Variants in AUNIP observed in about 807,000 individuals in gnomAD.
The protein encoded by AUNIP is aurora kinase A- and ninein-interacting protein.
Under a neutral mutation model 12.2 loss-of-function variants are expected in AUNIP, and 16 were observed. That is an observed-to-expected ratio of 1.31 (90% CI 0.88 to 1.99). The LOEUF (loss-of-function observed/expected upper bound fraction) is 1.99, where lower values mean the gene tolerates loss of function less well. AUNIP is among the 30% of genes most tolerant of loss of function. AUNIP has a pLI of 0.00. For synonymous variants in AUNIP, 142 were observed against 154.8 expected, an observed-to-expected ratio of 0.92 and a Z score of 0.61; for missense variants, 411 against 419.1, an observed-to-expected ratio of 0.98 and a Z score of 0.17.
chr1:25,851,598 A>C (rs2048424447), intron 1 of AUNIP, among the ~76,000 whole-genome samples: 1 of 152,242 alleles, frequency 6.6e-6, no homozygotes, highest in African/African-American at 2.4e-5. Context: ...GTAAACCCTT[A>C]CATTTACAGT....
At chr1:25,831,970 G>T (rs187133360), downstream of AUNIP, 1 of 1,614,218 alleles carries the variant, frequency 6.2e-7, no homozygotes, top group African/African-American at 1.3e-5. Flanking sequence ...TATCTCTGAG[G>T]TCCTAAGGAG....
chr1:25,833,709 A>G (rs1334018243), downstream of AUNIP, among the ~76,000 whole-genome samples: 1 of 152,006 alleles, frequency 6.6e-6, no homozygotes, highest in African/African-American at 2.4e-5. Flanking sequence ...AACCGTGTTC[A>G]TGCCACCACA....
intron 1 of AUNIP, among the ~76,000 whole-genome samples, chr1:25,858,464 A>T (rs2048480689): frequency 6.6e-6 from 1 of 152,236 alleles, no homozygotes; most frequent in Admixed American, 6.5e-5. Context: ...GTATCATTAC[A>T]CTATCTACCA....
At chr1:25,849,333 G>A (rs547973363) in intron 1 of AUNIP, among the ~76,000 whole-genome samples, 75 of 152,234 alleles carry the variant, frequency 4.9e-4, no homozygotes, top group Middle Eastern at 3.4e-3. Flanking sequence ...TTATGAAGTT[G>A]TGTAATTATC....
chr1:25,832,305 G>T, downstream of AUNIP: 2 of 909,228 alleles, frequency 2.2e-6, no homozygotes, highest in East Asian at 2.7e-5. Flanking sequence ...AGTTGTTTCT[G>T]GTTTTTCCTT....
At position 25,835,090 on chromosome 1, in the gene AUNIP, G is replaced by A; in HGVS notation, c.977C>T (p.Ala326Val). 2 of 1,614,212 alleles carry A rather than the reference G, an allele frequency of 1.2e-6. No individual in the cohort carries two copies. Among genetic ancestry groups the A allele is most frequent in the Non-Finnish European group, 1.7e-6 (2 of 1,180,038 alleles). The change falls in exon 3 of 3, where the codon GCT becomes GTT. Residue 326 changes from alanine (A) to valine (V), a missense_variant. Ala to Val is a moderately conservative substitution (Grantham distance 64). Coordinates refer to ENST00000374298, the MANE Select transcript of AUNIP (RefSeq NM_024037.3). ...DLGPFPNSPW[A>V]QCQEDGPTQN... ...AGTTGGCCCATCCTCCTGGCACTGA[G>A]CCCAAGGACTGTTAGGAAACGGCCC...
intron 1 of AUNIP, among the ~76,000 whole-genome samples, chr1:25,854,877 T>C (rs1572268901): frequency 6.6e-6 from 1 of 152,012 alleles, no homozygotes; most frequent in African/African-American, 2.4e-5. Context: ...CCTCACAACA[T>C]GACAGCTGGC....
Position 25,846,416 on chromosome 1 carries a change from C to CAAAAAAAA in AUNIP, c.79-8870_79-8863dup, listed in dbSNP as rs57719994. Among the ~76,000 whole-genome samples the CAAAAAAAA allele has an allele frequency of 7.0e-4, 21 of 29,846 alleles. 2 individuals carry two copies. The highest frequency in any genetic ancestry group is 2.9e-3 in the African/African-American group (19 of 6,556). 19.6% of individuals were successfully genotyped at this position (29,846 alleles called of 152,430 possible). A position where few individuals can be genotyped will look rare whatever the true frequency, so the allele number is the denominator to read the frequency against. On this transcript the variant is annotated intron_variant, in intron 1 of 2. Coordinates refer to ENST00000374298, the MANE Select transcript of AUNIP (RefSeq NM_024037.3). ...CGGGCAACAGAGTGAGACTCCATCTCAAAAAAAAAAAAAAAAAAAAAAAAA... is the reference window on the plus strand; with the variant it reads ...CGGGCAACAGAGTGAGACTCCATCTCAAAAAAAAAAAAAAAAAAAAAAAAAAAAAAAAA...
At chr1:25,848,627 A>G (rs1469898853) in intron 1 of AUNIP, among the ~76,000 whole-genome samples, 3 of 152,152 alleles carry the variant, frequency 2.0e-5, no homozygotes, top group Non-Finnish European at 4.4e-5. Context: ...GGCCACACCA[A>G]ATAATCTGTG....
In AUNIP at chr1:25,835,835, C is replaced by T. The variant is rs1320799341; in HGVS notation, c.232G>A (p.Gly78Ser). The change falls in exon 3 of 3, where the codon GGC becomes AGC. Residue 78 changes from glycine to serine, a missense_variant. By Grantham distance (56) the Gly-to-Ser change is moderately conservative. Transcript: ENST00000374298. ...FFTLQPGKTN[G>S]SDQKSVSSHT... ...GATGAAACACTCTTCTGGTCACTGCCATTTGTCTTTCCTAATAAAACAGGA... is the reference window on the plus strand; with the variant it reads ...GATGAAACACTCTTCTGGTCACTGCTATTTGTCTTTCCTAATAAAACAGGA... 6.2e-7 allele frequency: 1 copy of T among 1,612,594 alleles called. No individual in the cohort carries two copies. Among genetic ancestry groups the T allele is most frequent in the South Asian group, 1.1e-5 (1 of 91,064 alleles).
chr1:25,856,440 C>A (rs187346279), intron 1 of AUNIP, among the ~76,000 whole-genome samples: 5 of 151,436 alleles, frequency 3.3e-5, no homozygotes, highest in African/African-American at 4.8e-5. Context: ...TCCCAGGAGG[C>A]CGAGGCAGGT....
At chr1:25,857,735 C>T (rs1324654176) in intron 1 of AUNIP, among the ~76,000 whole-genome samples, 1 of 150,164 alleles carries the variant, frequency 6.7e-6, no homozygotes, top group African/African-American at 2.4e-5. Context: ...TAGTGGCGGG[C>T]GCCTGTAGTC....
At chr1:25,851,178 T>C (rs1455883417) in intron 1 of AUNIP, among the ~76,000 whole-genome samples, 1 of 152,212 alleles carries the variant, frequency 6.6e-6, no homozygotes, top group Non-Finnish European at 1.5e-5. Flanking sequence ...TATTAATTGG[T>C]TTTCAAATTT....
chr1:25,852,497 T>C (rs945685734), intron 1 of AUNIP, among the ~76,000 whole-genome samples: 1 of 150,476 alleles, frequency 6.6e-6, no homozygotes, highest in African/African-American at 2.5e-5. Flanking sequence ...TCACTCTTGT[T>C]GCCCAGGCTG....
chr1:25,847,285 G>T lies in AUNIP; in HGVS notation c.79-9731C>A, dbSNP rs141327777. On this transcript the variant is annotated intron_variant, in intron 1 of 2. Coordinates refer to ENST00000374298, the MANE Select transcript of AUNIP (RefSeq NM_024037.3). This position sits in a 1 kb window ranked among gnomAD's most constrained non-coding sequence, Gnocchi z 4.2. Reference sequence around the variant, plus strand: ...TTTTTGTTTTGTTTTTTTTTGAGACGGAGTCTCACTCTGTCACCGAGGCTG... The same window carrying T: ...TTTTTGTTTTGTTTTTTTTTGAGACTGAGTCTCACTCTGTCACCGAGGCTG... Among the ~76,000 whole-genome samples, 1,245 of 151,656 alleles carry T rather than the reference G, an allele frequency of 8.2e-3. 16 individuals carry two copies. The highest frequency in any genetic ancestry group is 0.025 in the African/African-American group (1,052 of 41,308).
At chr1:25,832,839 T>G (rs913633355), downstream of AUNIP, 1 of 153,986 alleles carries the variant, frequency 6.5e-6, no homozygotes, top group African/African-American at 2.4e-5. Flanking sequence ...ACACCATGCA[T>G]GACTCAGATG....
At position 25,835,776 on chromosome 1, in the gene AUNIP, C is replaced by T; in HGVS notation, c.291G>A (p.Lys97=). Reference sequence around the variant, plus strand: ...AATGGTCTAGCTGGGTCGCATTTTTCTTGGACTCTTTGTTGATCTGACTTT... The same window carrying T: ...AATGGTCTAGCTGGGTCGCATTTTTTTTGGACTCTTTGTTGATCTGACTTT... ...HTESQINKES[K]KNATQLDHLI... The change falls in exon 3 of 3, where the codon AAG becomes AAA. Residue 97 remains lysine, a synonymous_variant. Transcript: ENST00000374298. 6.2e-7 allele frequency: 1 copy of T among 1,614,204 alleles called. No homozygotes were observed. Among genetic ancestry groups the T allele is most frequent in the Non-Finnish European group, 8.5e-7 (1 of 1,180,048 alleles).
intron 1 of AUNIP, among the ~76,000 whole-genome samples, chr1:25,846,853 CTTATTT>C (rs2048386778): frequency 6.6e-6 from 1 of 152,202 alleles, no homozygotes; most frequent in African/African-American, 2.4e-5. Flanking sequence ...TAAATCTTCT[CTTATTT>C]TAACTACTTC....
chr1:25,852,366 T>A (rs1486277011), intron 1 of AUNIP, among the ~76,000 whole-genome samples: 1 of 152,206 alleles, frequency 6.6e-6, no homozygotes, highest in Non-Finnish European at 1.5e-5. Context: ...TAAATTGTAT[T>A]ATTTCCTTCC....
Sources: gnomAD v4.1 joint callset for allele counts (sites outside exome capture counted in the v4.1 genomes callset) on GRCh38, gnomAD v4.1.1 for gene constraint, Gnocchi (gnomAD v3.1) non-coding constraint, MANE v1.5 for transcripts, NCBI Gene and HGNC (gene_info 2026-07-23, HGNC 2026-07-21) for gene names.